DDX50: variants seen among roughly 807,000 people sequenced by gnomAD.
DDX50 encodes DExD-box helicase 50, also known as ATP-dependent RNA helicase DDX50.
Under a neutral mutation model 94.8 loss-of-function variants are expected in DDX50, and 56 were observed. That is an observed-to-expected ratio of 0.59 (90% confidence interval 0.48 to 0.74). The LOEUF is 0.74. Ranked by LOEUF, DDX50 falls within the 30% of genes least tolerant of loss-of-function variation. The probability of loss-of-function intolerance (pLI) is 0.00; values close to 1 mark genes in which losing one functional copy is unlikely to be tolerated. For synonymous variants in DDX50, 264 were observed against 295.4 expected (o/e 0.89, Z 1.09); for missense variants, 713 against 881.2 (o/e 0.81, Z 2.42).
chr10:68,944,855 T>C (rs1474871952), intron 14 of DDX50, among the ~76,000 whole-genome samples: 1 of 152,126 alleles, frequency 6.6e-6, no homozygotes, highest in African/African-American at 2.4e-5. Flanking sequence ...TTTCTTTTTA[T>C]ATTTTTAAAT....
Position 68,913,417 on chromosome 10 carries a change from A to G in DDX50, c.784A>G (p.Ile262Val), listed in dbSNP as rs1420179982. Residue 262 changes from isoleucine to valine, a missense_variant, in exon 6 of 15, where the codon ATC (isoleucine) becomes GTC (valine). Physicochemically the swap from Ile to Val is conservative, Grantham distance 29. Around this residue, in one of 2 missense-constraint regions of DDX50, gnomAD observed 428 missense variants for 602.3 expected, o/e 0.71. Coordinates refer to ENST00000373585, the MANE Select transcript of DDX50 (RefSeq NM_024045.2). ...TAATCATATTCGAAATGGTATTGAC[A>G]TCTTGGTTGGAACACCTGGTCGTAT... ...QINHIRNGIDILVGTPGRIKD... is the reference protein window; with the variant it reads ...QINHIRNGIDVLVGTPGRIKD... 2 of 1,613,526 alleles carry G rather than the reference A, an allele frequency of 1.2e-6. No individual in the cohort carries two copies. Among genetic ancestry groups the G allele is most frequent in the African/African-American group, 1.3e-5 (1 of 74,924 alleles).
chr10:68,917,224 A>G (rs1815209476), intron 7 of DDX50, among the ~76,000 whole-genome samples: 1 of 151,620 alleles, frequency 6.6e-6, no homozygotes, highest in South Asian at 2.1e-4. Flanking sequence ...CTTTGGGAGG[A>G]CGAGGATGGT....
intron 2 of DDX50, among the ~76,000 whole-genome samples, chr10:68,909,621 A>G (rs970283770): frequency 6.6e-6 from 1 of 151,658 alleles, no homozygotes; most frequent in Non-Finnish European, 1.5e-5. Context: ...TATGCTTGTA[A>G]TCCCAGCAGT....
intron 14 of DDX50, among the ~76,000 whole-genome samples, chr10:68,945,600 C>G (rs574572900): frequency 6.6e-6 from 1 of 152,306 alleles, no homozygotes; most frequent in East Asian, 1.9e-4. Flanking sequence ...AGCTACTGTG[C>G]CCGGCCAATA....
rs757629037 is a variant in DDX50 at position 68,946,510 on chromosome 10, C to T, written c.2094C>T (p.Gly698=). Residue 698 remains glycine, a synonymous_variant, in exon 15 of 15, where the codon GGC becomes GGT. Transcript: ENST00000373585. ...CAGGCCGGTCAGGTGGTCGATCTGG[C>T]GGCCGGTCAGGTAGACAGAGTCGAC... ...GRSGRSGGRS[G]GRSGRQSRQG... The T allele has an allele frequency of 2.2e-5, 35 of 1,613,976 alleles. No individual in the cohort carries two copies. In the African/African-American group the frequency reaches 3.2e-4, roughly 15 times the overall value.
intron 2 of DDX50, among the ~76,000 whole-genome samples, chr10:68,907,461 A>G (rs1009662456): frequency 1.1e-4 from 17 of 151,562 alleles, no homozygotes; most frequent in African/African-American, 4.1e-4. Context: ...GATTACGGGC[A>G]CGCACCACCA....
At chr10:68,901,877 C>A (rs1314158184) in intron 1 of DDX50, among the ~76,000 whole-genome samples, 1 of 152,188 alleles carries the variant, frequency 6.6e-6, no homozygotes, top group Non-Finnish European at 1.5e-5. Flanking sequence ...GTCACCCCGT[C>A]CCCTGTGCAA....
At chr10:68,925,190 G>GC (rs1383096090) in intron 8 of DDX50, among the ~76,000 whole-genome samples, 2 of 140,722 alleles carry the variant, frequency 1.4e-5, no homozygotes, top group African/African-American at 5.4e-5. Context: ...CACAACCTCT[G>GC]CCTCCCGGGT....
intron 13 of DDX50, among the ~76,000 whole-genome samples, chr10:68,942,318 A>T (rs1842573064): frequency 6.6e-6 from 1 of 152,174 alleles, no homozygotes; most frequent in South Asian, 2.1e-4. Context: ...TATTAATTTA[A>T]CTTTACTGCA....
chr10:68,923,542 T>C (rs188313146), intron 8 of DDX50, among the ~76,000 whole-genome samples: 1 of 152,008 alleles, frequency 6.6e-6, no homozygotes, highest in Admixed American at 6.6e-5. Context: ...TTTTATTTAT[T>C]ATCTTTTAAT....
chr10:68,925,255 C>T (rs1842054104), intron 8 of DDX50, among the ~76,000 whole-genome samples: 1 of 151,698 alleles, frequency 6.6e-6, no homozygotes, highest in Non-Finnish European at 1.5e-5. Flanking sequence ...AGGCATGCGC[C>T]ACCATGCCCA....
intron 8 of DDX50, among the ~76,000 whole-genome samples, chr10:68,931,864 G>C: frequency 6.6e-6 from 1 of 151,992 alleles, no homozygotes; most frequent in Non-Finnish European, 1.5e-5. Flanking sequence ...TTTTCAGTCT[G>C]TTCCAGCAGT....
chr10:68,930,111 TTCC>T lies in DDX50; in HGVS notation c.1240-4086_1240-4084del, dbSNP rs1170157639. Among the ~76,000 whole-genome samples, 753 of 132,432 alleles carry T rather than the reference TTCC, an allele frequency of 5.7e-3. 10 individuals are homozygous for T. Among genetic ancestry groups the T allele is most frequent in the African/African-American group, 0.025 (693 of 27,956 alleles). The allele number at this position is 132,432 out of a possible 152,430, so 86.9% of individuals were successfully genotyped here. Reference sequence around the variant, plus strand: ...TCCTTCCTTCCTTCCTTTCTTTCCTTTCCTTTTTTTTTTTTTTTTTTTTTTGAT... The same window carrying T: ...TCCTTCCTTCCTTCCTTTCTTTCCTTTTTTTTTTTTTTTTTTTTTTTTGAT... On this transcript the variant is annotated intron_variant, in intron 8 of 14. Transcript: ENST00000373585.
intron 4 of DDX50, among the ~76,000 whole-genome samples, chr10:68,912,238 G>T (rs1055492605): frequency 5.9e-5 from 9 of 151,880 alleles, no homozygotes; most frequent in African/African-American, 2.2e-4. Flanking sequence ...TAAAGACAGG[G>T]TCTCTCTCTG....
intron 7 of DDX50, among the ~76,000 whole-genome samples, chr10:68,916,509 A>T (rs563931490): frequency 1.3e-5 from 2 of 152,266 alleles, no homozygotes; most frequent in South Asian, 4.1e-4. Context: ...GAAAGATTGA[A>T]TAGTATAAAG....
At chr10:68,911,953 C>T (rs1008901007) in intron 4 of DDX50, among the ~76,000 whole-genome samples, 11 of 152,136 alleles carry the variant, frequency 7.2e-5, no homozygotes, top group African/African-American at 2.2e-4. Context: ...AAATCAGCAT[C>T]ATAATATGAA....
In DDX50 at chr10:68,915,305, C is replaced by T. The variant is rs559122113; in HGVS notation, c.1089+1101C>T. Among the ~76,000 whole-genome samples the T allele has an allele frequency of 1.5e-4, 23 of 149,162 alleles. No individual in the cohort carries two copies. In the East Asian group the frequency reaches 2.6e-3, roughly 17 times the overall value. On this transcript the variant is annotated intron_variant, in intron 7 of 14. Transcript: ENST00000373585. Reference sequence around the variant, plus strand: ...GCGGGCGCCTGTAGTTCCAGCTACTCGGGAGGCTGAGGCAGGAGAATGGCG... The same window carrying T: ...GCGGGCGCCTGTAGTTCCAGCTACTTGGGAGGCTGAGGCAGGAGAATGGCG...
At chr10:68,916,057 T>TAAAAA (rs1841780773) in intron 7 of DDX50, among the ~76,000 whole-genome samples, 1 of 151,990 alleles carries the variant, frequency 6.6e-6, no homozygotes, top group African/African-American at 2.4e-5. Context: ...TGCTGGATGG[T>TAAAAA]AAAAAGAAGC....
chr10:68,915,671 G>A (rs1318737951), intron 7 of DDX50, among the ~76,000 whole-genome samples: 1 of 150,718 alleles, frequency 6.6e-6, no homozygotes, highest in African/African-American at 2.4e-5. Flanking sequence ...AGCCAAGATC[G>A]TGCCACTGCA....
Sources: allele counts gnomAD v4.1 joint callset (sites outside exome capture counted in the v4.1 genomes callset), GRCh38; gene constraint gnomAD v4.1.1; regional missense constraint gnomAD v4.1.1; transcripts MANE v1.5; gene names NCBI Gene and HGNC (gene_info 2026-07-23, HGNC 2026-07-21).